The following STX12 variants were observed in gnomAD, a reference collection of about 807,000 sequenced individuals.
The protein encoded by STX12 is syntaxin 12.
STX12 carries 17 observed loss-of-function variants against 42.2 expected under a neutral mutation model. The ratio of observed to expected loss-of-function variants is 0.40; its 90% CI spans 0.28 to 0.60. The LOEUF is 0.60. Ranked by LOEUF, STX12 falls within the 20% of genes least tolerant of loss-of-function variation. The pLI is 0.39. For missense variants in STX12, 297 were observed against 330.9 expected, an observed-to-expected ratio of 0.90 and a Z score of 0.79; for synonymous variants, 108 against 116.7, an observed-to-expected ratio of 0.93 and a Z score of 0.48.
rs2148610090 is a variant in STX12 at position 27,823,982 on chromosome 1, G to C, written c.*1653G>C. 6.6e-6 allele frequency: 1 copy of C among 152,190 alleles called. No individual in the cohort carries two copies. The highest frequency in any genetic ancestry group is 2.1e-4 in the South Asian group (1 of 4,806). 9.4% of individuals were successfully genotyped at this position (152,190 alleles called of 1,614,324 possible). A position where few individuals can be genotyped will look rare whatever the true frequency, so the allele number is the denominator to read the frequency against. ...TGTAATCCCAACACTTTGGAAGGCTGAGGCGGGAGGATCAGTATATCGGTA... is the reference window on the plus strand; with the variant it reads ...TGTAATCCCAACACTTTGGAAGGCTCAGGCGGGAGGATCAGTATATCGGTA... On this transcript the variant is annotated 3_prime_UTR_variant, in exon 9 of 9. Coordinates refer to ENST00000373943, the MANE Select transcript of STX12 (RefSeq NM_177424.3).
chr1:27,774,731 T>C (rs1020405651), intron 1 of STX12, among the ~76,000 whole-genome samples: 6 of 152,118 alleles, frequency 3.9e-5, no homozygotes, highest in African/African-American at 1.4e-4. Context: ...CCAGGCAGAA[T>C]GCAGTGATCT....
chr1:27,816,305 C>T (rs1485072441), intron 6 of STX12, among the ~76,000 whole-genome samples: 3 of 151,640 alleles, frequency 2.0e-5, no homozygotes, highest in African/African-American at 7.3e-5. Context: ...AAGAGTGAAA[C>T]TCTACCTCAG....
At chr1:27,815,967 G>A (rs1003379674) in intron 6 of STX12, among the ~76,000 whole-genome samples, 3 of 152,092 alleles carry the variant, frequency 2.0e-5, no homozygotes, top group African/African-American at 7.2e-5. Flanking sequence ...GTTGAGGTCA[G>A]GAATTCGAGA....
rs2088989546 is a variant in STX12, at chr1:27,822,228, C to T, written c.733-3C>T. ...TATCTTGTTTACATATTTCTTTCCT[C>T]AGAAAAAATCTCGCAAGAAGATGTG... is the stretch of plus-strand genomic sequence containing the variant. On this transcript the variant is annotated splice_region_variant and splice_polypyrimidine_tract_variant and intron_variant, in intron 8 of 8. Coordinates refer to ENST00000373943, the MANE Select transcript of STX12 (RefSeq NM_177424.3). The T allele has an allele frequency of 3.8e-6, 6 of 1,592,148 alleles. No homozygotes were observed. In the African/African-American group the frequency reaches 5.4e-5, roughly 14 times the overall value.
At chr1:27,790,757 C>T (rs2088734558) in intron 2 of STX12, among the ~76,000 whole-genome samples, 1 of 151,794 alleles carries the variant, frequency 6.6e-6, no homozygotes, top group African/African-American at 2.4e-5. Context: ...GCCTGGCCAA[C>T]ATGATGAAAC....
Position 27,819,814 on chromosome 1 carries a change from T to C in STX12, c.732+82T>C, listed in dbSNP as rs562871559. The stretch of plus-strand genomic sequence containing the variant: ...AGTACATTGACATATTGAGAACAGC[T>C]ACAGCCTTTGCTTAGGTTTAAGCTA... On this transcript the variant is annotated intron_variant, in intron 8 of 8. Transcript: ENST00000373943. 1.7e-4 allele frequency: 204 copies of C among 1,207,166 alleles called. 5 individuals are homozygous for C. In the South Asian group the frequency reaches 2.2e-3, roughly 13 times the overall value. The allele number at this position is 1,207,166 out of a possible 1,614,324, so 74.8% of individuals were successfully genotyped here.
In STX12 at chr1:27,773,427, TGAGCCGGGGTACC is replaced by T. The variant is rs1165437847; in HGVS notation, c.118+7_118+19del. On this transcript the variant is annotated splice_donor_5th_base_variant and intron_variant, in intron 1 of 8. Coordinates refer to ENST00000373943, the MANE Select transcript of STX12 (RefSeq NM_177424.3). ...ACATCCAGCGGATCAGCCAAGCCAG[TGAGCCGGGGTACC>T]GAGCTGGGGGGCGGGAGCTGTCCCG... 3.3e-5 allele frequency: 54 copies of T among 1,613,252 alleles called. No individual in the cohort carries two copies. The highest frequency in any genetic ancestry group is 4.4e-5 in the Non-Finnish European group (52 of 1,179,534).
At chr1:27,780,290 C>T (rs1015603168) in intron 1 of STX12, among the ~76,000 whole-genome samples, 3 of 147,188 alleles carry the variant, frequency 2.0e-5, no homozygotes, top group African/African-American at 7.6e-5. Flanking sequence ...CTCATTGCAA[C>T]TTCCGCCTCC....
At chr1:27,806,993 T>A (rs1221039348) in intron 4 of STX12, among the ~76,000 whole-genome samples, 3 of 152,174 alleles carry the variant, frequency 2.0e-5, no homozygotes, top group Admixed American at 2.0e-4. Context: ...ACGTTGGGAT[T>A]ACAATTCGAG....
At chr1:27,812,305 T>TG in intron 6 of STX12, 37 bp downstream of exon 6, 1 of 1,468,728 alleles carries the variant, frequency 6.8e-7, no homozygotes, top group Non-Finnish European at 9.3e-7. Flanking sequence ...TGACTCAGTG[T>TG]GTCTGCAGGT....
At chr1:27,796,941 G>T (rs2088790007) in intron 3 of STX12, among the ~76,000 whole-genome samples, 2 of 152,178 alleles carry the variant, frequency 1.3e-5, no homozygotes, top group Admixed American at 6.5e-5. Context: ...CCGACCTCAG[G>T]TGATCTGCCA....
chr1:27,814,548 C>A (rs941993844), intron 6 of STX12, among the ~76,000 whole-genome samples: 2 of 128,172 alleles, frequency 1.6e-5, no homozygotes, highest in East Asian at 2.0e-4. Flanking sequence ...AATAATCCTT[C>A]CTTCAAAGAA....
intron 2 of STX12, among the ~76,000 whole-genome samples, chr1:27,792,077 AATATAGTATATAAATATAAAAT>A (rs1274919810): frequency 7.0e-6 from 1 of 142,492 alleles, no homozygotes; most frequent in Non-Finnish European, 1.5e-5. Flanking sequence ...ATAAAATATA[AATATAGTATATAAATATAAAAT>A]ATATAGTATA....
intron 2 of STX12, among the ~76,000 whole-genome samples, chr1:27,792,128 CTA>C (rs1230148208): frequency 6.0e-5 from 7 of 116,934 alleles, no homozygotes; most frequent in East Asian, 2.2e-4. Context: ...TAATATATAT[CTA>C]TATATGTATA....
At chr1:27,807,951 A>G (rs1473108876) in intron 4 of STX12, among the ~76,000 whole-genome samples, 2 of 152,246 alleles carry the variant, frequency 1.3e-5, no homozygotes, top group African/African-American at 4.8e-5. Flanking sequence ...GTATAATTCC[A>G]TTTATGTAAA....
chr1:27,782,256 C>A (rs764562541), intron 1 of STX12, among the ~76,000 whole-genome samples: 1 of 152,112 alleles, frequency 6.6e-6, no homozygotes, highest in Non-Finnish European at 1.5e-5. Context: ...CGCACCACCA[C>A]GTCCAAGTAA....
At chr1:27,779,516 G>C (rs1182846983) in intron 1 of STX12, among the ~76,000 whole-genome samples, 1 of 151,530 alleles carries the variant, frequency 6.6e-6, no homozygotes, top group Non-Finnish European at 1.5e-5. Flanking sequence ...TATTTTTATA[G>C]AGACAGGGTT....
intron 1 of STX12, among the ~76,000 whole-genome samples, chr1:27,779,933 AG>A (rs1335294027): frequency 6.6e-6 from 1 of 151,956 alleles, no homozygotes. Flanking sequence ...CTGGGATTAC[AG>A]GCGTGTACCA....
intron 7 of STX12, 141 bp from the exon 8 acceptor site, chr1:27,819,509 C>T: frequency 1.6e-6 from 1 of 617,336 alleles, no homozygotes; most frequent in Non-Finnish European, 2.8e-6. Flanking sequence ...TAGTCTCTTA[C>T]CAAGGTAGTA....
Sources: gnomAD v4.1 joint callset for allele counts (sites outside exome capture counted in the v4.1 genomes callset) on GRCh38, gnomAD v4.1.1 for gene constraint, MANE v1.5 for transcripts, NCBI Gene and HGNC (gene_info 2026-07-23, HGNC 2026-07-21) for gene names.